Variants in RORA observed in about 807,000 individuals in gnomAD.
RORA encodes the protein RAR related orphan receptor A.
In RORA, 7 loss-of-function variants were observed where a neutral mutation model predicts 69.5. That is an observed-to-expected ratio of 0.10 (90% CI 0.06 to 0.19). The LOEUF is 0.19. Among genes scored for constraint, RORA ranks in the 10% least tolerant of loss-of-function variants. The pLI, the probability that RORA is intolerant of heterozygous loss-of-function variation, is 1.00. For missense variants in RORA, 457 were observed against 663.0 expected (o/e 0.69, Z 3.41); for synonymous variants, 261 against 240.8 (o/e 1.08, Z -0.78).
chr15:60,612,127 G>A (rs892691940), intron 2 of RORA, among the ~76,000 whole-genome samples: 2 of 152,288 alleles, frequency 1.3e-5, no homozygotes, highest in African/African-American at 4.8e-5. Flanking sequence ...CTGAAGTTCT[G>A]AGATCATGTA....
At chr15:61,030,574 T>A (rs1051156030) in intron 1 of RORA, among the ~76,000 whole-genome samples, 1 of 152,138 alleles carries the variant, frequency 6.6e-6, no homozygotes, top group African/African-American at 2.4e-5. Flanking sequence ...CACAGGAAGT[T>A]TGAGAAGAAA....
intron 1 of RORA, among the ~76,000 whole-genome samples, chr15:61,103,212 G>A (rs1443035693): frequency 6.6e-6 from 1 of 152,142 alleles, no homozygotes; most frequent in African/African-American, 2.4e-5. Context: ...TCTCCTGGGC[G>A]GGGCTGAGGA....
intron 1 of RORA, among the ~76,000 whole-genome samples, chr15:60,744,048 G>C (rs1003684134): frequency 5.3e-5 from 8 of 150,062 alleles, no homozygotes; most frequent in African/African-American, 2.0e-4. Context: ...GAATCAGAAA[G>C]CACTAGGGTT....
At chr15:60,674,120 T>C (rs1448253966) in intron 2 of RORA, among the ~76,000 whole-genome samples, 1 of 152,148 alleles carries the variant, frequency 6.6e-6, no homozygotes, top group African/African-American at 2.4e-5. Context: ...CTGCCGTGAG[T>C]CACTGTGAGT....
intron 1 of RORA, among the ~76,000 whole-genome samples, chr15:60,698,373 C>T (rs192167521): frequency 6.6e-6 from 1 of 152,138 alleles, no homozygotes; most frequent in Admixed American, 6.5e-5. Flanking sequence ...GCCTGCCCCT[C>T]GTTGACATGG....
chr15:61,024,270 C>CTTTTTTTTTTTTTTTTTTTTT (rs34008494), intron 1 of RORA, among the ~76,000 whole-genome samples: 1 of 79,396 alleles, frequency 1.3e-5, no homozygotes, highest in Non-Finnish European at 2.3e-5. Context: ...TCTTGGATCT[C>CTTTTTTTTTTTTTTTTTTTTT]TTTTTTTTTT....
chr15:60,968,740 G>A, intron 1 of RORA, among the ~76,000 whole-genome samples: 1 of 150,460 alleles, frequency 6.6e-6, no homozygotes, highest in Non-Finnish European at 1.5e-5. Context: ...TCTTTGTAGT[G>A]TATTTTCTTA....
chr15:60,957,969 T>C (rs1314169041), intron 1 of RORA, among the ~76,000 whole-genome samples: 1 of 141,398 alleles, frequency 7.1e-6, no homozygotes, highest in Non-Finnish European at 1.6e-5. Flanking sequence ...TTTTTTTTTT[T>C]CCCTAATCCA....
rs143178825 is a variant in RORA, at chr15:61,082,426, T to C, written c.166+146627A>G. 4.8e-3 allele frequency among the ~76,000 whole-genome samples: 731 copies of C among 152,216 alleles called. 5 individuals are homozygous for C. Among genetic ancestry groups the C allele is most frequent in the African/African-American group, 0.017 (698 of 41,532 alleles). ...ATTGCTTGAACCTGGGAGTTGGAGA[T>C]TGCAGTGAGCTGAGATCACACCATT... On this transcript the variant is annotated intron_variant, in intron 1 of 10. Transcript: ENST00000335670.
At chr15:60,781,844 G>C (rs1043035160) in intron 1 of RORA, among the ~76,000 whole-genome samples, 1 of 152,190 alleles carries the variant, frequency 6.6e-6, no homozygotes, top group African/African-American at 2.4e-5. Flanking sequence ...TCAAATCCCA[G>C]ATTTTGGAGT....
At chr15:60,823,686 G>T (rs2072922988) in intron 1 of RORA, among the ~76,000 whole-genome samples, 1 of 152,080 alleles carries the variant, frequency 6.6e-6, no homozygotes, top group African/African-American at 2.4e-5. Flanking sequence ...ATCTTCCCCA[G>T]AAATAAGGAA....
intron 1 of RORA, among the ~76,000 whole-genome samples, chr15:60,898,589 C>T (rs1228133616): frequency 2.0e-5 from 3 of 151,880 alleles, no homozygotes; most frequent in Non-Finnish European, 2.9e-5. Flanking sequence ...GTCCCAGCTA[C>T]CCTGGAGGCT....
chr15:60,728,688 T>G (rs973054804), intron 1 of RORA, among the ~76,000 whole-genome samples: 1 of 152,156 alleles, frequency 6.6e-6, no homozygotes, highest in African/African-American at 2.4e-5. Flanking sequence ...TGCAGAAACA[T>G]CCCTGCTCCA....
chr15:61,133,270 G>C (rs529859176), intron 1 of RORA, among the ~76,000 whole-genome samples: 2 of 152,296 alleles, frequency 1.3e-5, no homozygotes, highest in South Asian at 4.1e-4. Context: ...GGGGTGTAAA[G>C]AGAAAGCCAT....
chr15:61,045,903 G>C (rs938628192), intron 1 of RORA, among the ~76,000 whole-genome samples: 2 of 152,176 alleles, frequency 1.3e-5, no homozygotes, highest in African/African-American at 4.8e-5. Flanking sequence ...AAAGGACTTC[G>C]TGGCATGCAG....
chr15:60,744,023 G>T (rs1336709037), intron 1 of RORA, among the ~76,000 whole-genome samples: 1 of 151,564 alleles, frequency 6.6e-6, no homozygotes, highest in Non-Finnish European at 1.5e-5. Context: ...TAAGGGGTGG[G>T]TGAGAAAAAT....
intron 1 of RORA, among the ~76,000 whole-genome samples, chr15:61,123,387 G>A (rs1413365231): frequency 2.0e-5 from 3 of 152,086 alleles, no homozygotes; most frequent in African/African-American, 7.2e-5. Flanking sequence ...CAAATACACT[G>A]CCCAAGATAA....
intron 1 of RORA, among the ~76,000 whole-genome samples, chr15:60,761,205 C>A (rs2071883245): frequency 6.6e-6 from 1 of 152,122 alleles, no homozygotes. Context: ...GGGTGCCACC[C>A]AGCCTGTACA....
chr15:61,008,201 C>CTGTGTGTG (rs1388505353), intron 1 of RORA, among the ~76,000 whole-genome samples: 4 of 106,594 alleles, frequency 3.8e-5, no homozygotes, highest in African/African-American at 9.4e-5. Context: ...TTCTCTCTCT[C>CTGTGTGTG]TCTGTGTGTG....
Sources: gnomAD v4.1 joint callset for allele counts (sites outside exome capture counted in the v4.1 genomes callset) on GRCh38, gnomAD v4.1.1 for gene constraint, MANE v1.5 for transcripts, NCBI Gene and HGNC (gene_info 2026-07-23, HGNC 2026-07-21) for gene names.